Variants in TTC28 observed in about 807,000 individuals in gnomAD.
TTC28 encodes the protein tetratricopeptide repeat domain 28.
A neutral mutation model predicts 198.0 loss-of-function variants in TTC28; 61 were observed. The ratio of observed to expected loss-of-function variants is 0.31; its 90% CI spans 0.25 to 0.38. The LOEUF (loss-of-function observed/expected upper bound fraction) is 0.38. TTC28 is among the 10% of genes least tolerant of loss of function. TTC28 has a pLI of 1.00. For missense variants in TTC28, 2,678 were observed against 3,164.0 expected, an observed-to-expected ratio of 0.85 and a Z score of 3.69; for synonymous variants, 1,171 against 1,297.8, an observed-to-expected ratio of 0.90 and a Z score of 2.10.
At chr22:28,168,626 A>C (rs1003468186) in intron 5 of TTC28, among the ~76,000 whole-genome samples, 19 of 152,192 alleles carry the variant, frequency 1.2e-4, no homozygotes, top group Non-Finnish European at 2.2e-4. Context: ...CATATGTAGA[A>C]AGCTGAAACT....
intron 1 of TTC28, among the ~76,000 whole-genome samples, chr22:28,657,215 TC>T (rs1185296255): frequency 1.8e-4 from 28 of 152,148 alleles, no homozygotes; most frequent in Non-Finnish European, 2.2e-4. Context: ...GGAGTCAGAC[TC>T]CAGAGTCCAT....
At chr22:28,021,840 A>G (rs1938616908) in intron 13 of TTC28, among the ~76,000 whole-genome samples, 1 of 152,168 alleles carries the variant, frequency 6.6e-6, no homozygotes, top group East Asian at 1.9e-4. Context: ...ACATCTGGCC[A>G]TGACATCTTT....
chr22:28,191,779 C>T (rs1422608630), intron 5 of TTC28, among the ~76,000 whole-genome samples: 1 of 152,138 alleles, frequency 6.6e-6, no homozygotes, highest in African/African-American at 2.4e-5. Context: ...AGAAGGAAAA[C>T]AAAGCAGCCA....
In TTC28 at chr22:28,098,978, G is replaced by C. The variant is rs962412848; in HGVS notation, c.3484C>G (p.Leu1162Val). The change falls in exon 10 of 23, where the codon CTC becomes GTC. Residue 1162 changes from leucine (L) to valine (V), a missense_variant. This residue lies in a region of TTC28 where 727 missense variants were observed against 861.9 expected (regional missense o/e 0.84). Transcript: ENST00000397906. ...GATGTCTGCAGGTCAAAGAGGGAGA[G>C]TTTGTAGTCCGTGCTCAGCTGTGCC... ...HEAQLSTDYK[L>V]SLFDLQTSSY... 3.9e-6 allele frequency: 6 copies of C among 1,551,764 alleles called. No individual in the cohort carries two copies. In the African/African-American group the frequency reaches 8.2e-5, roughly 21 times the overall value.
intron 2 of TTC28, among the ~76,000 whole-genome samples, chr22:28,618,046 G>C (rs970633866): frequency 1.2e-4 from 18 of 152,282 alleles, no homozygotes; most frequent in African/African-American, 4.3e-4. Flanking sequence ...GCCGAGGCAG[G>C]TGGATCATCT....
chr22:28,099,188 TG>T (rs1195582592), intron 9 of TTC28, 144 bp from the exon 10 acceptor site: 2 of 1,185,030 alleles, frequency 1.7e-6, no homozygotes, highest in Non-Finnish European at 2.3e-6. Context: ...GATGTCCAGG[TG>T]TAAGGAAAAA....
At chr22:28,036,081 A>G (rs923915488) in intron 12 of TTC28, among the ~76,000 whole-genome samples, 11 of 152,178 alleles carry the variant, frequency 7.2e-5, no homozygotes, top group Admixed American at 7.2e-4. Flanking sequence ...AGACAGATCA[A>G]CGAGACAGAA....
At chr22:28,090,012 C>T (rs907404396) in intron 12 of TTC28, among the ~76,000 whole-genome samples, 7 of 151,588 alleles carry the variant, frequency 4.6e-5, no homozygotes, top group Non-Finnish European at 8.8e-5. Flanking sequence ...ATACCTAATG[C>T]TAAATGACGA....
chr22:28,346,825 T>G (rs2145920752), intron 2 of TTC28, among the ~76,000 whole-genome samples: 1 of 152,296 alleles, frequency 6.6e-6, no homozygotes, highest in East Asian at 1.9e-4. Flanking sequence ...AGGAAGGCTG[T>G]GGTTAAGCAC....
chr22:28,242,287 T>G (rs1929713563), intron 5 of TTC28, among the ~76,000 whole-genome samples: 1 of 152,210 alleles, frequency 6.6e-6, no homozygotes, highest in Non-Finnish European at 1.5e-5. Context: ...CAAATAAGTT[T>G]ATATCACATT....
intron 2 of TTC28, among the ~76,000 whole-genome samples, chr22:28,466,173 GCCCCAGGACT>G (rs1194550792): frequency 6.6e-6 from 1 of 152,134 alleles, no homozygotes; most frequent in African/African-American, 2.4e-5. Flanking sequence ...TTGTTTCTGA[GCCCCAGGACT>G]TAACTTGTTA....
chr22:28,441,774 G>T (rs1366303228), intron 2 of TTC28, among the ~76,000 whole-genome samples: 1 of 151,778 alleles, frequency 6.6e-6, no homozygotes, highest in Non-Finnish European at 1.5e-5. Flanking sequence ...AAACCAGGCA[G>T]CGGCTAACAG....
At chr22:28,090,609 A>G (rs1335725324) in intron 12 of TTC28, among the ~76,000 whole-genome samples, 1 of 152,210 alleles carries the variant, frequency 6.6e-6, no homozygotes, top group Non-Finnish European at 1.5e-5. Context: ...GATTTTTTAT[A>G]CTATTGGCAA....
At chr22:28,080,071 C>T (rs954639377) in intron 12 of TTC28, among the ~76,000 whole-genome samples, 1 of 152,178 alleles carries the variant, frequency 6.6e-6, no homozygotes, top group Admixed American at 6.5e-5. Flanking sequence ...CCATTGTATA[C>T]ACCACATTTT....
chr22:28,209,316 T>A (rs752844248), intron 5 of TTC28, among the ~76,000 whole-genome samples: 3 of 151,996 alleles, frequency 2.0e-5, no homozygotes, highest in Non-Finnish European at 2.9e-5. Flanking sequence ...ACCCACAGAG[T>A]GTGAGCCAAA....
chr22:28,008,154 T>G (rs774759969), intron 14 of TTC28: 4 of 152,220 alleles, frequency 2.6e-5, no homozygotes, highest in Non-Finnish European at 5.9e-5. Context: ...CTGTTGCATC[T>G]GTTCTAGGAG....
At chr22:28,398,236 G>A (rs2046847247) in intron 2 of TTC28, among the ~76,000 whole-genome samples, 1 of 152,190 alleles carries the variant, frequency 6.6e-6, no homozygotes, top group African/African-American at 2.4e-5. Context: ...TCTGTGGTCA[G>A]GAGAGATGGA....
At chr22:27,992,371 G>C in intron 19 of TTC28, 1 of 584,868 alleles carries the variant, frequency 1.7e-6, no homozygotes, top group South Asian at 2.0e-5. Context: ...CAGTGCCGCT[G>C]GCACGGATGC....
rs546198710 is a variant in TTC28, at chr22:28,648,966, G to T, written c.103-19136C>A. Among the ~76,000 whole-genome samples the T allele has an allele frequency of 1.8e-4, 28 of 151,886 alleles. No individual in the cohort carries two copies. The South Asian group carries it at 5.8e-3, about 32-fold the overall frequency. On this transcript the variant is annotated intron_variant, in intron 1 of 22. Coordinates refer to ENST00000397906, the MANE Select transcript of TTC28 (RefSeq NM_001145418.2). ...AGAGAGAGAAAGAAAGGAAAGAAAA[G>T]AAAGAAAGGAAAATGTGGTATGTAT...
Sources: gnomAD v4.1 joint callset for allele counts (sites outside exome capture counted in the v4.1 genomes callset) on GRCh38, gnomAD v4.1.1 for gene constraint, gnomAD v4.1.1 regional missense constraint, MANE v1.5 for transcripts, NCBI Gene and HGNC (gene_info 2026-07-23, HGNC 2026-07-21) for gene names.